GTF2H1: variants seen among roughly 807,000 people sequenced by gnomAD.
The protein encoded by GTF2H1 is BTF2 p62.
In GTF2H1, 16 loss-of-function variants were observed where a neutral mutation model predicts 71.2. The ratio of observed to expected loss-of-function variants is 0.22; its 90% CI spans 0.15 to 0.34. GTF2H1 has a LOEUF of 0.34. GTF2H1 is among the 10% of genes least tolerant of loss of function. The probability of loss-of-function intolerance (pLI) is 1.00; values close to 1 mark genes in which losing one functional copy is unlikely to be tolerated. For synonymous variants in GTF2H1, 215 were observed against 219.0 expected, an observed-to-expected ratio of 0.98 and a Z score of 0.16; for missense variants, 498 against 648.2, an observed-to-expected ratio of 0.77 and a Z score of 2.52.
At chr11:18,360,970 TA>T (rs2133991252) in intron 14 of GTF2H1, among the ~76,000 whole-genome samples, 1 of 152,088 alleles carries the variant, frequency 6.6e-6, no homozygotes. Flanking sequence ...CACGCCCAGC[TA>T]ATTTTTGTAT....
intron 12 of GTF2H1, 48 bp from the exon 13 acceptor site, chr11:18,358,477 A>G (rs750477768): frequency 8.5e-6 from 9 of 1,064,150 alleles, no homozygotes; most frequent in African/African-American, 7.8e-5. Flanking sequence ...TCGAGACTGT[A>G]TATGTTAAAA....
intron 13 of GTF2H1, among the ~76,000 whole-genome samples, chr11:18,360,299 T>A (rs1266408212): frequency 6.6e-6 from 1 of 152,084 alleles, no homozygotes; most frequent in Non-Finnish European, 1.5e-5. Flanking sequence ...ATTTTTGTAT[T>A]TTTAGCGGAG....
In GTF2H1 at chr11:18,366,469, T is replaced by C. The variant is rs1435289958; in HGVS notation, c.*600T>C. ...GCAAAGGGAGACTGTTGCTCAACCA[T>C]CAGGAAACAGTTGTCAGAAGACATC... On this transcript the variant is annotated 3_prime_UTR_variant, in exon 15 of 15. Transcript: ENST00000265963. 1 of 152,622 alleles carries C rather than the reference T, an allele frequency of 6.6e-6. No individual in the cohort carries two copies. Among genetic ancestry groups the C allele is most frequent in the African/African-American group, 2.4e-5 (1 of 41,442 alleles). 9.5% of individuals were successfully genotyped at this position (152,622 alleles called of 1,614,324 possible).
chr11:18,330,440 A>G (rs1399085553), intron 1 of GTF2H1, among the ~76,000 whole-genome samples: 1 of 152,230 alleles, frequency 6.6e-6, no homozygotes, highest in Non-Finnish European at 1.5e-5. Context: ...AAAAGCTTCC[A>G]GGGGATTTTA....
At chr11:18,329,490 G>A (rs1257464827) in intron 1 of GTF2H1, among the ~76,000 whole-genome samples, 1 of 152,156 alleles carries the variant, frequency 6.6e-6, no homozygotes, top group Non-Finnish European at 1.5e-5. Flanking sequence ...GGTCCTCCTT[G>A]TCCCTTCCTC....
Position 18,357,949 on chromosome 11 carries a change from C to A in GTF2H1, c.1261-3C>A, listed in dbSNP as rs754554895. 8 of 1,584,018 alleles carry A rather than the reference C, an allele frequency of 5.1e-6. No individual in the cohort carries two copies. The South Asian group carries it at 8.9e-5, about 18-fold the overall frequency. ...AGTTTTAATGCATCTTCATTTTTTT[C>A]AGGTTCTCTCAAGTAGTGCTGCCAG... is the stretch of plus-strand genomic sequence containing the variant. On this transcript the variant is annotated splice_polypyrimidine_tract_variant and splice_region_variant and intron_variant, in intron 11 of 14. Coordinates refer to ENST00000265963, the MANE Select transcript of GTF2H1 (RefSeq NM_005316.4).
rs4150676 is a variant in GTF2H1, at chr11:18,362,493, A to G, written c.1560+1786A>G. On this transcript the variant is annotated intron_variant, in intron 14 of 14. Coordinates refer to ENST00000265963, the MANE Select transcript of GTF2H1 (RefSeq NM_005316.4). ...GCTTACTATAACATTTTTACCTTAT[A>G]AACTTTTAAATATTTTTAAAGTTTT... Among the ~76,000 whole-genome samples, 809 of 152,222 alleles carry G rather than the reference A, an allele frequency of 5.3e-3. 8 individuals are homozygous for G. The highest frequency in any genetic ancestry group is 0.019 in the African/African-American group (782 of 41,544).
intron 5 of GTF2H1, 61 bp downstream of exon 5, chr11:18,339,718 G>T (rs2133965584): frequency 2.0e-6 from 2 of 984,524 alleles, no homozygotes; most frequent in East Asian, 5.0e-5. Flanking sequence ...TAGTATATCA[G>T]TGAAAAACAA....
At chr11:18,357,911 AG>A in intron 11 of GTF2H1, 40 bp from the exon 12 acceptor site, 1 of 1,157,546 alleles carries the variant, frequency 8.6e-7, no homozygotes, top group Non-Finnish European at 1.3e-6. Context: ...AAAAAAAAAA[AG>A]GGAGGAAAAC....
intron 7 of GTF2H1, among the ~76,000 whole-genome samples, chr11:18,342,554 G>A (rs971533483): frequency 2.6e-5 from 4 of 152,006 alleles, no homozygotes; most frequent in South Asian, 2.1e-4. Context: ...GAGCCACCAC[G>A]CCCAGCCAGT....
chr11:18,325,555 A>G (rs1476187534), intron 1 of GTF2H1, among the ~76,000 whole-genome samples: 1 of 152,232 alleles, frequency 6.6e-6, no homozygotes, highest in Non-Finnish European at 1.5e-5. Flanking sequence ...TCCCTTATGA[A>G]GCTTGCAATC....
chr11:18,327,093 A>G (rs951827842), intron 1 of GTF2H1, among the ~76,000 whole-genome samples: 1 of 152,174 alleles, frequency 6.6e-6, no homozygotes, highest in African/African-American at 2.4e-5. Context: ...TTATATGTTT[A>G]TTGTAAAGAA....
chr11:18,362,420 A>G (rs754127338), intron 14 of GTF2H1, among the ~76,000 whole-genome samples: 67 of 152,318 alleles, frequency 4.4e-4, no homozygotes, highest in Non-Finnish European at 5.9e-5. Flanking sequence ...CTTAGACTAC[A>G]TTAAATTTAC....
chr11:18,364,082 A>G (rs569019679), intron 14 of GTF2H1, among the ~76,000 whole-genome samples: 10 of 152,176 alleles, frequency 6.6e-5, no homozygotes, highest in African/African-American at 1.7e-4. Flanking sequence ...TCAAAAAAAA[A>G]AGAAAAGGAT....
At chr11:18,357,336 A>G (rs4150658) in intron 11 of GTF2H1, among the ~76,000 whole-genome samples, 13,979 of 152,084 alleles carry the variant, frequency 0.092, 786 homozygotes, top group Admixed American at 0.14. Flanking sequence ...TTTTGGCTAT[A>G]TTTATTCACT....
At chr11:18,365,704 G>A (rs1448327627) in intron 14 of GTF2H1, 79 bp from the exon 15 acceptor site, 1 of 899,690 alleles carries the variant, frequency 1.1e-6, no homozygotes. Flanking sequence ...ACACTCTGAA[G>A]TGTGTGCCAG....
chr11:18,363,339 T>A (rs1590201814), intron 14 of GTF2H1, among the ~76,000 whole-genome samples: 1 of 152,190 alleles, frequency 6.6e-6, no homozygotes, highest in East Asian at 1.9e-4. Flanking sequence ...TTGTACATGC[T>A]ATACTTTTAT....
intron 2 of GTF2H1, among the ~76,000 whole-genome samples, chr11:18,335,048 T>C (rs1490323664): frequency 1.3e-5 from 2 of 152,218 alleles, no homozygotes; most frequent in Non-Finnish European, 2.9e-5. Flanking sequence ...TTGTCAAATA[T>C]CAAACATTCT....
intron 1 of GTF2H1, among the ~76,000 whole-genome samples, chr11:18,329,760 T>A (rs1467991202): frequency 6.6e-6 from 1 of 152,228 alleles, no homozygotes; most frequent in Non-Finnish European, 1.5e-5. Context: ...TCCCTTTACT[T>A]TCTCTGTAGA....
Sources: allele counts gnomAD v4.1 joint callset (sites outside exome capture counted in the v4.1 genomes callset), GRCh38; gene constraint gnomAD v4.1.1; transcripts MANE v1.5; gene names NCBI Gene and HGNC (gene_info 2026-07-23, HGNC 2026-07-21).